The following RNF38 variants were observed in gnomAD, a reference collection of about 807,000 sequenced individuals.
RNF38 encodes the protein E3 ubiquitin-protein ligase RNF38.
In RNF38, 15 loss-of-function variants were observed where a neutral mutation model predicts 67.2. That is an observed-to-expected ratio of 0.22 (90% CI 0.15 to 0.34). RNF38 has a LOEUF of 0.34. Among genes scored for constraint, RNF38 ranks in the 10% least tolerant of loss-of-function variants. The pLI is 1.00. For synonymous variants in RNF38, 220 were observed against 218.8 expected (o/e 1.01, Z -0.05); for missense variants, 524 against 639.9 (o/e 0.82, Z 1.95).
chr9:36,401,207 G>GCGGGGCGGGA (rs1179315401), upstream of RNF38: 3 of 980,126 alleles, frequency 3.1e-6, no homozygotes, highest in Non-Finnish European at 3.6e-6. Flanking sequence ...AGGGGGCGGG[G>GCGGGGCGGGA]CGGGGCGGGG....
chr9:36,451,112 A>G (rs1839427382), intron 1 of RNF38, among the ~76,000 whole-genome samples: 1 of 152,194 alleles, frequency 6.6e-6, no homozygotes, highest in South Asian at 2.1e-4. Flanking sequence ...GAATGCAATC[A>G]GCAAAGTTCA....
At chr9:36,354,293 A>C (rs1055830266) in intron 6 of RNF38, among the ~76,000 whole-genome samples, 9 of 152,144 alleles carry the variant, frequency 5.9e-5, no homozygotes, top group Non-Finnish European at 8.8e-5. Context: ...CCTGGGTTCA[A>C]GCAATTCTCC....
At chr9:36,372,711 G>C (rs989359315) in intron 3 of RNF38, 4 of 468,758 alleles carry the variant, frequency 8.5e-6, no homozygotes, top group African/African-American at 7.9e-5. Flanking sequence ...GTCTTGCTAT[G>C]AACGAGGACC....
intron 1 of RNF38, among the ~76,000 whole-genome samples, chr9:36,445,504 G>C (rs1839279495): frequency 6.6e-6 from 1 of 152,114 alleles, no homozygotes; most frequent in Non-Finnish European, 1.5e-5. Flanking sequence ...TTGGATAACT[G>C]GTCACCATAT....
At chr9:36,461,782 G>GCAGTTTGGTGCC (rs149010461) in intron 1 of RNF38, among the ~76,000 whole-genome samples, 7,616 of 152,222 alleles carry the variant, frequency 0.05, 580 homozygotes, top group African/African-American at 0.17. Context: ...CCTGGTTTAA[G>GCAGTTTGGTGCC]CATTTCCGAT....
At chr9:36,400,899 T>TCCCCG, upstream of RNF38, 28 of 825,114 alleles carry the variant, frequency 3.4e-5, no homozygotes, top group African/African-American at 4.2e-5. Flanking sequence ...GCCACGCCCC[T>TCCCCG]CCCCGCCCCG....
chr9:36,347,800 G>A (rs1047725794), intron 9 of RNF38, among the ~76,000 whole-genome samples: 14 of 152,158 alleles, frequency 9.2e-5, no homozygotes, highest in Admixed American at 5.2e-4. Flanking sequence ...TGATTAGGCC[G>A]GGCACAGTGG....
At chr9:36,438,905 AG>A (rs1839132324) in intron 1 of RNF38, among the ~76,000 whole-genome samples, 1 of 152,242 alleles carries the variant, frequency 6.6e-6, no homozygotes, top group Non-Finnish European at 1.5e-5. Flanking sequence ...ATGAGAGCTT[AG>A]GAACTATTAT....
chr9:36,438,885 C>CA (rs1412153398), intron 1 of RNF38, among the ~76,000 whole-genome samples: 1 of 152,200 alleles, frequency 6.6e-6, no homozygotes, highest in Non-Finnish European at 1.5e-5. Flanking sequence ...AAATATTTTA[C>CA]AACATGGACA....
At chr9:36,468,418 C>G (rs1839916365) in intron 1 of RNF38, among the ~76,000 whole-genome samples, 1 of 152,156 alleles carries the variant, frequency 6.6e-6, no homozygotes, top group Non-Finnish European at 1.5e-5. Context: ...CCTAAGAGTT[C>G]TTTATCTGGG....
chr9:36,443,736 G>C (rs1342207185), intron 1 of RNF38, among the ~76,000 whole-genome samples: 1 of 152,178 alleles, frequency 6.6e-6, no homozygotes, highest in Non-Finnish European at 1.5e-5. Context: ...AAAAAAATAG[G>C]ATGGTAAACA....
intron 2 of RNF38, among the ~76,000 whole-genome samples, chr9:36,382,245 C>T (rs546458712): frequency 2.0e-5 from 3 of 151,974 alleles, no homozygotes; most frequent in South Asian, 2.1e-4. Flanking sequence ...TAATATAGAA[C>T]GTTGTACAGA....
intron 11 of RNF38, among the ~76,000 whole-genome samples, chr9:36,341,728 C>A (rs771371275): frequency 6.6e-6 from 1 of 151,620 alleles, no homozygotes; most frequent in Non-Finnish European, 1.5e-5. Flanking sequence ...GATGTCAAGG[C>A]TACATTGAGC....
At chr9:36,354,616 ATGAG>A (rs1401299574) in intron 6 of RNF38, among the ~76,000 whole-genome samples, 1 of 151,950 alleles carries the variant, frequency 6.6e-6, no homozygotes, top group African/African-American at 2.4e-5. Flanking sequence ...ACTCCTTTTT[ATGAG>A]TGAGTATTAC....
chr9:36,343,115 T>C (rs1208176549), intron 10 of RNF38, among the ~76,000 whole-genome samples: 3 of 152,236 alleles, frequency 2.0e-5, no homozygotes, highest in Non-Finnish European at 1.5e-5. Context: ...ATTTGTACTA[T>C]GTATTGCTCT....
intron 1 of RNF38, among the ~76,000 whole-genome samples, chr9:36,446,382 A>G (rs1339801928): frequency 3.3e-5 from 5 of 152,240 alleles, no homozygotes; most frequent in Non-Finnish European, 5.9e-5. Context: ...AACAGTTTAC[A>G]TGAAATGCTT....
At chr9:36,477,433 T>C (rs1351825138) in intron 1 of RNF38, among the ~76,000 whole-genome samples, 1 of 151,988 alleles carries the variant, frequency 6.6e-6, no homozygotes, top group Non-Finnish European at 1.5e-5. Context: ...CCCAGCACTT[T>C]AGGAGGCCAA....
chr9:36,359,892 G>A (rs1402307553), intron 4 of RNF38, among the ~76,000 whole-genome samples: 1 of 150,932 alleles, frequency 6.6e-6, no homozygotes, highest in South Asian at 2.1e-4. Flanking sequence ...GGGACTACAG[G>A]CGTGTGCCAC....
At chr9:36,425,976 G>A (rs192874974) in intron 1 of RNF38, among the ~76,000 whole-genome samples, 24 of 152,286 alleles carry the variant, frequency 1.6e-4, no homozygotes, top group Admixed American at 1.3e-3. Context: ...GATTGCAGGC[G>A]TGAGCCACCC....
Sources: gnomAD v4.1 joint callset for allele counts (sites outside exome capture counted in the v4.1 genomes callset) on GRCh38, gnomAD v4.1.1 for gene constraint, MANE v1.5 for transcripts, NCBI Gene and HGNC (gene_info 2026-07-23, HGNC 2026-07-21) for gene names.